CHD4: variants seen among roughly 807,000 people sequenced by gnomAD.
The protein encoded by CHD4 is chromodomain helicase DNA binding protein 4.
A neutral mutation model predicts 235.5 loss-of-function variants in CHD4; 35 were observed. That is an observed-to-expected ratio of 0.15 (90% CI 0.11 to 0.20). The LOEUF is 0.20. CHD4 is among the 10% of genes least tolerant of loss of function. The pLI is 1.00. For missense variants in CHD4, 1,329 were observed against 2,432.3 expected (o/e 0.55, Z 9.54); for synonymous variants, 900 against 850.2 (o/e 1.06, Z -1.02).
At chr12:6,570,768 G>A (rs1444929392) in intron 39 of CHD4, 75 bp from the exon 40 acceptor site, 15 of 1,612,126 alleles carry the variant, frequency 9.3e-6, no homozygotes, top group East Asian at 8.9e-5. Flanking sequence ...TTCACTGATA[G>A]GCCACCCACC....
intron 38 of CHD4, 197 bp downstream of exon 38, chr12:6,572,877 A>T: frequency 1.1e-5 from 4 of 378,570 alleles, no homozygotes; most frequent in Non-Finnish European, 1.4e-5. Flanking sequence ...CATCTCTTTA[A>T]AAAAAAAAAA....
intron 11 of CHD4, 42 bp downstream of exon 11, chr12:6,598,180 C>G (rs745656901): frequency 1.2e-6 from 2 of 1,609,526 alleles, no homozygotes; most frequent in Middle Eastern, 1.7e-4. Flanking sequence ...TCACTATCCT[C>G]TTCATCGTAG....
Position 6,581,721 on chromosome 12 carries a change from A to T in CHD4, c.4609T>A (p.Ser1537Thr). The T allele has an allele frequency of 6.2e-7, 1 of 1,606,642 alleles. No homozygotes were observed. Among genetic ancestry groups the T allele is most frequent in the Non-Finnish European group, 8.5e-7 (1 of 1,175,758 alleles). Residue 1537 changes from serine (S) to threonine (T), a missense_variant, in exon 31 of 40, where the codon TCC (serine) becomes ACC (threonine). Coordinates refer to ENST00000544040, the MANE Select transcript of CHD4 (RefSeq NM_001273.5). ...NKKMSQPGSP[S>T]PKTPTPSTPG... Reference sequence around the variant, plus strand: ...GTGGAGGGTGTAGGAGTTTTTGGGGAGGGTGACCCTGGCTGGGACATCTTC... The same window carrying T: ...GTGGAGGGTGTAGGAGTTTTTGGGGTGGGTGACCCTGGCTGGGACATCTTC...
intron 12 of CHD4, 123 bp from the exon 13 acceptor site, chr12:6,596,260 T>G: frequency 8.1e-7 from 1 of 1,238,154 alleles, no homozygotes. Context: ...ATCACACGTT[T>G]TCAGAGCCTC....
rs1385748246 is a variant in CHD4 at position 6,570,354 on chromosome 12, A to G, written c.*322T>C. ...AAACCAAAAGGAGGAAAAAATTCAG[A>G]TCATTTTCTTCAAGCCTGGCAGGAA... On this transcript the variant is annotated 3_prime_UTR_variant, in exon 40 of 40. Coordinates refer to ENST00000544040, the MANE Select transcript of CHD4 (RefSeq NM_001273.5). 4 of 371,684 alleles carry G rather than the reference A, an allele frequency of 1.1e-5. No homozygotes were observed. The highest frequency in any genetic ancestry group is 8.3e-5 in the African/African-American group (4 of 48,160). 23.0% of individuals were successfully genotyped at this position (371,684 alleles called of 1,614,324 possible). A position where few individuals can be genotyped will look rare whatever the true frequency, so the allele number is the denominator to read the frequency against.
At chr12:6,571,259 T>G (rs1372620294) in intron 38 of CHD4, 4 of 520,852 alleles carry the variant, frequency 7.7e-6, no homozygotes, top group Non-Finnish European at 1.4e-5. Flanking sequence ...TCACTATCCC[T>G]TACTATTATT....
chr12:6,597,958 C>T lies in CHD4; in HGVS notation c.1828G>A (p.Glu610Lys). ...NKDPKFAEME[E>K]RFYRYGIKPE... ...TTTATCCCATAGCGATAGAAGCGTT[C>T]CTCCATCTCTGCAAATTTAGGGTCC... The change falls in exon 12 of 40, where the codon GAA becomes AAA. Residue 610 changes from glutamate (E) to lysine (K), a missense_variant. Glu to Lys is a moderately conservative substitution (Grantham distance 56). Around this residue, in one of 26 missense-constraint regions of CHD4, gnomAD observed 121 missense variants for 177.8 expected, o/e 0.68. Coordinates refer to ENST00000544040, the MANE Select transcript of CHD4 (RefSeq NM_001273.5). 6.2e-7 allele frequency: 1 copy of T among 1,614,160 alleles called. No individual in the cohort carries two copies. Among genetic ancestry groups the T allele is most frequent in the Non-Finnish European group, 8.5e-7 (1 of 1,180,036 alleles).
At chr12:6,592,648 G>A in intron 18 of CHD4, 48 bp downstream of exon 18, 2 of 1,593,362 alleles carry the variant, frequency 1.3e-6, no homozygotes, top group Non-Finnish European at 1.7e-6. Context: ...GCAACAGGAA[G>A]AATGAGAGGC....
intron 2 of CHD4, among the ~76,000 whole-genome samples, chr12:6,605,905 A>T (rs922176098): frequency 9.2e-5 from 14 of 152,108 alleles, no homozygotes; most frequent in Non-Finnish European, 1.5e-5. Context: ...TGGTCTTTCA[A>T]ACAGAATCCT....
chr12:6,593,259 G>C lies in CHD4; in HGVS notation c.2515-31C>G, dbSNP rs1948432134. 3.1e-6 allele frequency: 5 copies of C among 1,613,542 alleles called. No individual in the cohort carries two copies. In the South Asian group the frequency reaches 3.3e-5, roughly 11 times the overall value. ...CATGAAGGCAACTTGGTCACTACTA[G>C]TCAGTTCCTCTGTGTAAGCACAACC... On this transcript the variant is annotated intron_variant, in intron 16 of 39. Coordinates refer to ENST00000544040, the MANE Select transcript of CHD4 (RefSeq NM_001273.5). The surrounding 1 kb of genome is among the most constrained non-coding windows in gnomAD (Gnocchi z 4.9).
At chr12:6,592,605 G>GA in intron 18 of CHD4, 39 bp from the exon 19 acceptor site, 1 of 1,582,060 alleles carries the variant, frequency 6.3e-7, no homozygotes, top group Non-Finnish European at 8.6e-7. Flanking sequence ...TGGAGAAGGA[G>GA]AAAGGAAGAA....
Position 6,606,446 on chromosome 12 carries a change from G to T in CHD4, c.-73C>A. On this transcript the variant is annotated 5_prime_UTR_variant, in exon 2 of 40. Coordinates refer to ENST00000544040, the MANE Select transcript of CHD4 (RefSeq NM_001273.5). ...GGCCTGAGGACCTCTACACTGGCCC[G>T]AGTCACTGTGCGGGGGAGGGGGGAG... 1.2e-6 allele frequency: 1 copy of T among 852,312 alleles called. No homozygotes were observed. The highest frequency in any genetic ancestry group is 1.8e-6 in the Non-Finnish European group (1 of 547,492). 52.8% of individuals were successfully genotyped at this position (852,312 alleles called of 1,614,324 possible). A position where few individuals can be genotyped will look rare whatever the true frequency, so the allele number is the denominator to read the frequency against.
In CHD4 at chr12:6,593,678, AC is replaced by A; in HGVS notation, c.2314-63del. The A allele has an allele frequency of 6.8e-7, 1 of 1,460,048 alleles. No individual in the cohort carries two copies. The highest frequency in any genetic ancestry group is 2.3e-5 in the East Asian group (1 of 43,910). The allele number at this position is 1,460,048 out of a possible 1,614,324, so 90.4% of individuals were successfully genotyped here. A position where few individuals can be genotyped will look rare whatever the true frequency, so the allele number is the denominator to read the frequency against. On this transcript the variant is annotated intron_variant, in intron 15 of 39. Transcript: ENST00000544040. The surrounding 1 kb of genome is among the most constrained non-coding windows in gnomAD (Gnocchi z 4.9). ...CCAGCACACTGCAACCCCAGCGAAC[AC>A]CCACCACCCTGCTGCCCCCTCAAGC...
intron 25 of CHD4, chr12:6,584,426 G>T (rs919980414): frequency 1.3e-5 from 2 of 152,102 alleles, no homozygotes; most frequent in Non-Finnish European, 2.9e-5. Flanking sequence ...TTGAGAGAGG[G>T]TCTAGCTGTG....
chr12:6,582,884 C>T lies in CHD4; in HGVS notation c.4200G>A (p.Leu1400=). 6.2e-7 allele frequency: 1 copy of T among 1,613,978 alleles called. No homozygotes were observed. The highest frequency in any genetic ancestry group is 8.5e-7 in the Non-Finnish European group (1 of 1,180,036). Residue 1400 remains leucine, a synonymous_variant, in exon 28 of 40, where the codon TTG becomes TTA. Transcript: ENST00000544040. ...CACCAACACGGGCCAACAGAGGAGG[C>T]AATGGCTTATCTTTATCATTCCGCA... ...KGLRNDKDKP[L]PPLLARVGGN...
chr12:6,604,675 C>T (rs1389468638), intron 2 of CHD4, among the ~76,000 whole-genome samples: 8 of 152,258 alleles, frequency 5.3e-5, no homozygotes, highest in South Asian at 2.1e-4. Context: ...CATGGAGCCC[C>T]CCAAACTTCT....
At chr12:6,580,713 A>AAAAAAAAACAAAC (rs1555163986) in intron 33 of CHD4, 6 of 230,292 alleles carry the variant, frequency 2.6e-5, no homozygotes, top group Non-Finnish European at 4.8e-5. Flanking sequence ...TGAAAAAAAA[A>AAAAAAAAACAAAC]AAAAAAAAAA....
rs112684697 is a variant in CHD4, at chr12:6,585,788, CAAA to C, written c.3879+1593_3879+1595del. Among the ~76,000 whole-genome samples, 21 of 132,422 alleles carry C rather than the reference CAAA, an allele frequency of 1.6e-4. No individual in the cohort carries two copies. In the South Asian group the frequency reaches 2.0e-3, roughly 13 times the overall value. The allele number at this position is 132,422 out of a possible 152,430, so 86.9% of individuals were successfully genotyped here. On this transcript the variant is annotated intron_variant, in intron 25 of 39. Transcript: ENST00000544040. The stretch of plus-strand genomic sequence containing the variant: ...TGGGCGGGAAAGCAAGACTCTGTCT[CAAA>C]AAAAAAAAAACACACACACAAAGAG...
rs761527068 is a variant in CHD4 at position 6,600,019 on chromosome 12, T to A, written c.1243-7A>T. The A allele has an allele frequency of 7.4e-6, 12 of 1,613,900 alleles. No homozygotes were observed. Among genetic ancestry groups the A allele is most frequent in the South Asian group, 1.1e-5 (1 of 91,068 alleles). ...ACTGGATGCCTTCCTTCTCCTGCAG[T>A]AAAGGACCACAGATTCAGATTATTA... On this transcript the variant is annotated splice_polypyrimidine_tract_variant and splice_region_variant and intron_variant, in intron 9 of 39. Transcript: ENST00000544040.
Sources: allele counts gnomAD v4.1 joint callset (sites outside exome capture counted in the v4.1 genomes callset), GRCh38; gene constraint gnomAD v4.1.1; regional missense constraint gnomAD v4.1.1; non-coding constraint Gnocchi (gnomAD v3.1); transcripts MANE v1.5; gene names NCBI Gene and HGNC (gene_info 2026-07-23, HGNC 2026-07-21).